FSIP1: variants seen among roughly 807,000 people sequenced by gnomAD.
FSIP1 encodes fibrous sheath interacting protein 1, also known as fibrous sheath-interacting protein 1.
In FSIP1, 65 loss-of-function variants were observed where a neutral mutation model predicts 60.9. That is an observed-to-expected ratio of 1.07 (90% confidence interval 0.87 to 1.31). FSIP1 has a LOEUF of 1.31. Among genes scored for constraint, FSIP1 ranks in the 40% most tolerant of loss-of-function variants. The pLI, the probability that FSIP1 is intolerant of heterozygous loss-of-function variation, is 0.00. For missense variants in FSIP1, 675 were observed against 665.5 expected (o/e 1.01, Z -0.16); for synonymous variants, 209 against 221.2 (o/e 0.94, Z 0.49).
chr15:39,600,850 T>C lies in FSIP1; in HGVS notation c.*30A>G, dbSNP rs1456627634. ...ATTTAATTTAACTTCATTACCAACT[T>C]TCTGAAAAGCACACCCAGCAAGTCC... On this transcript the variant is annotated 3_prime_UTR_variant, in exon 12 of 12. Coordinates refer to ENST00000350221, the MANE Select transcript of FSIP1 (RefSeq NM_152597.5). 1 of 1,577,592 alleles carries C rather than the reference T, an allele frequency of 6.3e-7. No individual in the cohort carries two copies. Among genetic ancestry groups the C allele is most frequent in the African/African-American group, 1.4e-5 (1 of 73,198 alleles).
At chr15:39,747,093 T>C (rs1897024960) in intron 5 of FSIP1, among the ~76,000 whole-genome samples, 1 of 151,542 alleles carries the variant, frequency 6.6e-6, no homozygotes, top group South Asian at 2.1e-4. Context: ...CTTTCTTCCT[T>C]TCTTTTAATG....
chr15:39,706,231 A>T (rs975608244), intron 10 of FSIP1, among the ~76,000 whole-genome samples: 2 of 152,202 alleles, frequency 1.3e-5, no homozygotes, highest in African/African-American at 4.8e-5. Flanking sequence ...CAGGTCAAAA[A>T]TATGAATCAT....
intron 9 of FSIP1, among the ~76,000 whole-genome samples, chr15:39,721,372 C>T (rs12324669): frequency 0.12 from 18,119 of 152,228 alleles, 1,323 homozygotes; most frequent in African/African-American, 0.2. Context: ...AAATATCATG[C>T]CTTCATCAAA....
chr15:39,687,136 CCTTTTTTTTTTTTTTT>C lies in FSIP1; in HGVS notation c.1188+26292_1188+26307del, dbSNP rs1195312627. On this transcript the variant is annotated intron_variant, in intron 10 of 11. Transcript: ENST00000350221. ...CACCTTTCTTTCTTTCTTTTCTTTT[CCTTTTTTTTTTTTTTT>C]TTTTTTTTTTTTTGAGACAGAGTTT... 9.0e-4 allele frequency among the ~76,000 whole-genome samples: 43 copies of C among 47,710 alleles called. 2 individuals are homozygous for C. Among genetic ancestry groups the C allele is most frequent in the Admixed American group, 6.7e-3 (23 of 3,432 alleles). The allele number at this position is 47,710 out of a possible 152,430, so 31.3% of individuals were successfully genotyped here.
intron 10 of FSIP1, among the ~76,000 whole-genome samples, chr15:39,704,320 G>A (rs540236542): frequency 3.9e-5 from 6 of 152,248 alleles, no homozygotes; most frequent in South Asian, 2.1e-4. Context: ...TTTCCAATTC[G>A]GACCTTCATT....
intron 8 of FSIP1, among the ~76,000 whole-genome samples, chr15:39,730,916 C>G (rs535315175): frequency 6.6e-6 from 1 of 152,144 alleles, no homozygotes; most frequent in Non-Finnish European, 1.5e-5. Context: ...GACATCTGCC[C>G]GGTGTACAAA....
intron 9 of FSIP1, among the ~76,000 whole-genome samples, chr15:39,717,645 A>G (rs1895792565): frequency 6.6e-6 from 1 of 152,216 alleles, no homozygotes; most frequent in Non-Finnish European, 1.5e-5. Context: ...TATAAAGAGC[A>G]AAACAGCTAT....
chr15:39,726,559 A>C (rs746133034), intron 9 of FSIP1, 30 bp downstream of exon 9: 1 of 1,601,058 alleles, frequency 6.2e-7, no homozygotes, highest in South Asian at 1.1e-5. Context: ...GCACACATTA[A>C]CTTGAACAGT....
At chr15:39,636,548 C>G (rs984118186) in intron 10 of FSIP1, among the ~76,000 whole-genome samples, 1 of 152,192 alleles carries the variant, frequency 6.6e-6, no homozygotes, top group African/African-American at 2.4e-5. Flanking sequence ...ATAGCCTCAT[C>G]AGAGAAGGTC....
At chr15:39,642,876 A>G (rs183388678) in intron 10 of FSIP1, among the ~76,000 whole-genome samples, 3 of 152,340 alleles carry the variant, frequency 2.0e-5, no homozygotes, top group South Asian at 4.1e-4. Context: ...ATCCACCATC[A>G]TTGAGCATAT....
In FSIP1 at chr15:39,741,867, G is replaced by A. The variant is rs761484585; in HGVS notation, c.593C>T (p.Ser198Leu). 25 of 1,605,026 alleles carry A rather than the reference G, an allele frequency of 1.6e-5. No homozygotes were observed. The highest frequency in any genetic ancestry group is 1.7e-4 in the Middle Eastern group (1 of 6,052). The change falls in exon 6 of 12, where the codon TCA becomes TTA. Residue 198 changes from serine (S) to leucine (L), a missense_variant. Transcript: ENST00000350221. ...PSHEEEDTFS[S>L]VFHTQIPPEE... ...TGGAGGGATTTGAGTATGAAACACT[G>A]AGGAAAAGGTGTCTTCCTCCTCATG... is the stretch of plus-strand genomic sequence containing the variant.
At chr15:39,695,247 A>ATTGCCTT (rs1377462544) in intron 10 of FSIP1, among the ~76,000 whole-genome samples, 1 of 151,818 alleles carries the variant, frequency 6.6e-6, no homozygotes, top group Non-Finnish European at 1.5e-5. Context: ...TTGGTGTTTA[A>ATTGCCTT]TTGCCTTTGG....
rs113689233 is a variant in FSIP1, at chr15:39,666,614, C to G, written c.1188+46830G>C. Among the ~76,000 whole-genome samples, 573 of 152,162 alleles carry G rather than the reference C, an allele frequency of 3.8e-3. 4 individuals carry two copies. The highest frequency in any genetic ancestry group is 0.013 in the African/African-American group (532 of 41,540). On this transcript the variant is annotated intron_variant, in intron 10 of 11. Transcript: ENST00000350221. The stretch of plus-strand genomic sequence containing the variant: ...ATCACACTATCAAAGTGAATGAACC[C>G]AAATTTTTTAATTTTTCAAACTATA...
intron 9 of FSIP1, among the ~76,000 whole-genome samples, chr15:39,715,722 C>T (rs1566898266): frequency 3.3e-5 from 5 of 152,162 alleles, no homozygotes; most frequent in Middle Eastern, 3.4e-3. Flanking sequence ...GGAGGTGGCG[C>T]CTGGTGGGAG....
intron 9 of FSIP1, among the ~76,000 whole-genome samples, chr15:39,722,578 CCT>C (rs1896024605): frequency 6.6e-6 from 1 of 151,998 alleles, no homozygotes; most frequent in Non-Finnish European, 1.5e-5. Context: ...TTCTCCTGCC[CCT>C]CACTTATGGA....
rs1406745424 is a variant in FSIP1 at position 39,782,616 on chromosome 15, G to A, written c.-8+12C>T. The A allele has an allele frequency of 1.3e-5, 2 of 152,422 alleles. No individual in the cohort carries two copies. The highest frequency in any genetic ancestry group is 4.8e-5 in the African/African-American group (2 of 41,422). 9.4% of individuals were successfully genotyped at this position (152,422 alleles called of 1,614,324 possible). On this transcript the variant is annotated intron_variant, in intron 1 of 11. Coordinates refer to ENST00000350221, the MANE Select transcript of FSIP1 (RefSeq NM_152597.5). Reference sequence around the variant, plus strand: ...GCGACCGAGCTCCGCCCTCATCTGCGCGGCCCCTCACCTTCCCGCCGGGCC... The same window carrying A: ...GCGACCGAGCTCCGCCCTCATCTGCACGGCCCCTCACCTTCCCGCCGGGCC...
At chr15:39,734,672 G>T (rs1475273254) in intron 8 of FSIP1, among the ~76,000 whole-genome samples, 1 of 152,086 alleles carries the variant, frequency 6.6e-6, no homozygotes, top group Non-Finnish European at 1.5e-5. Context: ...AGGATATTAA[G>T]TTTCCAAACC....
intron 10 of FSIP1, among the ~76,000 whole-genome samples, chr15:39,651,297 A>C (rs559369717): frequency 6.6e-6 from 1 of 152,242 alleles, no homozygotes; most frequent in Admixed American, 6.5e-5. Context: ...GAAATGATGA[A>C]TGTCAAAACA....
At chr15:39,705,683 G>A (rs370505233) in intron 10 of FSIP1, among the ~76,000 whole-genome samples, 58 of 151,708 alleles carry the variant, frequency 3.8e-4, no homozygotes, top group South Asian at 1.2e-3. Flanking sequence ...TTTATGTTTC[G>A]TATCATATAT....
Sources: gnomAD v4.1 joint callset for allele counts (sites outside exome capture counted in the v4.1 genomes callset) on GRCh38, gnomAD v4.1.1 for gene constraint, MANE v1.5 for transcripts, NCBI Gene and HGNC (gene_info 2026-07-23, HGNC 2026-07-21) for gene names.